Variants in DNMT3A observed in about 807,000 individuals in gnomAD.
The protein encoded by DNMT3A is DNA (cytosine-5)-methyltransferase 3A.
In DNMT3A, 267 loss-of-function variants were observed where a neutral mutation model predicts 117.6. That is an observed-to-expected ratio of 2.27 (90% CI 2.05 to 2.51). DNMT3A has a LOEUF of 2.51. Among genes scored for constraint, DNMT3A ranks in the 30% most tolerant of loss-of-function variants. The pLI, the probability that DNMT3A is intolerant of heterozygous loss-of-function variation, is 0.00. For missense variants in DNMT3A, 1,029 were observed against 1,260.2 expected (o/e 0.82, Z 2.78); for synonymous variants, 432 against 474.8 (o/e 0.91, Z 1.17).
In DNMT3A at chr2:25,269,194, TGCCTGTAATTCCAGCTACTGGGAA is replaced by T. The variant is rs568123227; in HGVS notation, c.639+5723_639+5746del. ...AAAATTAGCTGGGTGTGGTGGTGCG[TGCCTGTAATTCCAGCTACTGGGAA>T]GGCTGAGGCGAGGCACGAGAATCAC... On this transcript the variant is annotated intron_variant, in intron 6 of 22. Coordinates refer to ENST00000321117, the MANE Select transcript of DNMT3A (RefSeq NM_022552.5). Among the ~76,000 whole-genome samples, 7 of 152,276 alleles carry T rather than the reference TGCCTGTAATTCCAGCTACTGGGAA, an allele frequency of 4.6e-5. No individual in the cohort carries two copies. In the East Asian group the frequency reaches 1.4e-3, roughly 29 times the overall value.
rs2149455234 is a variant in DNMT3A at position 25,339,273 on chromosome 2, G to A, written c.-178+2553C>T. On this transcript the variant is annotated intron_variant, in intron 1 of 22. Coordinates refer to ENST00000321117, the MANE Select transcript of DNMT3A (RefSeq NM_022552.5). This position sits in a 1 kb window ranked among gnomAD's most constrained non-coding sequence, Gnocchi z 4.9. ...CTAGTCCAACCCCCACCCCACAGAG[G>A]AATCCTGTCCGCAGACACCCTGACA... Among the ~76,000 whole-genome samples the A allele has an allele frequency of 6.6e-6, 1 of 152,170 alleles. No homozygotes were observed. Among genetic ancestry groups the A allele is most frequent in the South Asian group, 2.1e-4 (1 of 4,820 alleles).
Position 25,274,923 on chromosome 2 carries a change from G to C in DNMT3A, c.639+18C>G. The stretch of plus-strand genomic sequence containing the variant: ...GTTCTGCAGGACGGGCTGGGGCCCA[G>C]GCCAGAAGGCGCCTCACCTCCCTTT... On this transcript the variant is annotated intron_variant, in intron 6 of 22. Transcript: ENST00000321117. The C allele has an allele frequency of 6.2e-7, 1 of 1,601,964 alleles. No individual in the cohort carries two copies. The highest frequency in any genetic ancestry group is 8.5e-7 in the Non-Finnish European group (1 of 1,171,278).
rs1015295548 is a variant in DNMT3A at position 25,235,780 on chromosome 2, G to A, written c.2524C>T (p.Gln842Ter). Reference protein sequence around the residue: ...TITTRSNSIKQGKDQHFPVFM... With the variant: ...TITTRSNSIK ...ACAGGAAAATGCTGGTCTTTGCCCT[G>A]CTTTATGGAGTTTGACCTCGTAGTA... is the stretch of plus-strand genomic sequence containing the variant. Residue 842 changes from glutamine (Q) to a stop codon, truncating the protein, a stop_gained, in exon 22 of 23, where the codon CAG (glutamine) becomes TAG (stop). Coordinates refer to ENST00000321117, the MANE Select transcript of DNMT3A (RefSeq NM_022552.5). LOFTEE classifies it high-confidence loss of function. The A allele has an allele frequency of 1.2e-6, 2 of 1,614,012 alleles. No homozygotes were observed. Among genetic ancestry groups the A allele is most frequent in the African/African-American group, 1.3e-5 (1 of 74,918 alleles).
At position 25,246,260 on chromosome 2, in the gene DNMT3A, A is replaced by C. The variant is rs1674752908; in HGVS notation, c.1329T>G (p.Pro443=). The C allele has an allele frequency of 6.2e-7, 1 of 1,614,058 alleles. No homozygotes were observed. Among genetic ancestry groups the C allele is most frequent in the East Asian group, 2.2e-5 (1 of 44,882 alleles). ...KEVYTDMWVE[P]EAAAYAPPPP... ...GAGGTGGTGCGTAGGCAGCTGCCTC[A>C]GGTTCCACCCACATGTCCGTGTACA... The change falls in exon 11 of 23, where the codon CCT becomes CCG. Residue 443 remains proline, a synonymous_variant. Coordinates refer to ENST00000321117, the MANE Select transcript of DNMT3A (RefSeq NM_022552.5).
Position 25,234,043 on chromosome 2 carries a change from G to C in DNMT3A, c.*236C>G. 2 of 460,204 alleles carry C rather than the reference G, an allele frequency of 4.3e-6. No homozygotes were observed. The highest frequency in any genetic ancestry group is 6.9e-6 in the Non-Finnish European group (2 of 289,374). 28.5% of individuals were successfully genotyped at this position (460,204 alleles called of 1,614,324 possible). A position where few individuals can be genotyped will look rare whatever the true frequency, so the allele number is the denominator to read the frequency against. ...GAGGAAGGGAAGGGAGCTTGGTTTTGTTTTTAAATAGGACTGAAGAATAAC... is the reference window on the plus strand; with the variant it reads ...GAGGAAGGGAAGGGAGCTTGGTTTTCTTTTTAAATAGGACTGAAGAATAAC... On this transcript the variant is annotated 3_prime_UTR_variant, in exon 23 of 23. Coordinates refer to ENST00000321117, the MANE Select transcript of DNMT3A (RefSeq NM_022552.5). This position sits in a 1 kb window ranked among gnomAD's most constrained non-coding sequence, Gnocchi z 4.5.
chr2:25,241,904 T>C, intron 16 of DNMT3A, 197 bp from the exon 17 acceptor site: 1 of 658,564 alleles, frequency 1.5e-6, no homozygotes, highest in South Asian at 2.3e-5. Flanking sequence ...CTCTGTCTCA[T>C]GCCTCGTTTG....
chr2:25,338,292 C>CA (rs1324105758), intron 1 of DNMT3A, among the ~76,000 whole-genome samples: 1 of 152,226 alleles, frequency 6.6e-6, no homozygotes, highest in Non-Finnish European at 1.5e-5. Context: ...TTTCAGACTG[C>CA]AATTCTAAGG....
intron 6 of DNMT3A, among the ~76,000 whole-genome samples, chr2:25,250,804 G>C (rs1675431410): frequency 6.6e-6 from 1 of 152,238 alleles, no homozygotes; most frequent in Admixed American, 6.5e-5. Flanking sequence ...CCAGTACGAG[G>C]TGTGCAGGTA....
Position 25,252,167 on chromosome 2 carries a change from T to C in DNMT3A, c.640-3915A>G. The C allele has an allele frequency of 1.3e-6, 2 of 1,557,446 alleles. No homozygotes were observed. The highest frequency in any genetic ancestry group is 1.7e-4 in the Middle Eastern group (1 of 5,972). On this transcript the variant is annotated intron_variant, in intron 6 of 22. Coordinates refer to ENST00000321117, the MANE Select transcript of DNMT3A (RefSeq NM_022552.5). This position sits in a 1 kb window ranked among gnomAD's most constrained non-coding sequence, Gnocchi z 5.5. The stretch of plus-strand genomic sequence containing the variant: ...CCCTGCCGCCTCCCCGCCCCCGGTC[T>C]CCCCGGGGCTCCGTCCAGGAACCTA...
In DNMT3A at chr2:25,278,035, AC is replaced by A. The variant is rs1194998722; in HGVS notation, c.449-2493del. On this transcript the variant is annotated intron_variant, in intron 4 of 22. Coordinates refer to ENST00000321117, the MANE Select transcript of DNMT3A (RefSeq NM_022552.5). ...CACACACACACACACACACACACAC[AC>A]ACAGACACACACGCTTTCCAGCCTG... 9.0e-4 allele frequency among the ~76,000 whole-genome samples: 76 copies of A among 84,284 alleles called. 2 individuals are homozygous for A. The East Asian group carries it at 0.017, about 19-fold the overall frequency. 55.3% of individuals were successfully genotyped at this position (84,284 alleles called of 152,430 possible).
intron 1 of DNMT3A, among the ~76,000 whole-genome samples, chr2:25,338,731 G>C (rs1417644596): frequency 6.6e-6 from 1 of 152,170 alleles, no homozygotes; most frequent in Non-Finnish European, 1.5e-5. Flanking sequence ...TATAGCATGG[G>C]GCATCTTCCC....
rs191987511 is a variant in DNMT3A at position 25,324,392 on chromosome 2, C to T, written c.-177-10231G>A. On this transcript the variant is annotated intron_variant, in intron 1 of 22. Coordinates refer to ENST00000321117, the MANE Select transcript of DNMT3A (RefSeq NM_022552.5). ...CAGGGCAGGATTATAAATCCAGGTC[C>T]GTGTAACTCAGAACCCTTCGCAAAT... Among the ~76,000 whole-genome samples the T allele has an allele frequency of 8.1e-4, 124 of 152,314 alleles. No homozygotes were observed. The East Asian group carries it at 0.019, about 23-fold the overall frequency.
chr2:25,320,863 G>A (rs1185798335), intron 1 of DNMT3A, among the ~76,000 whole-genome samples: 3 of 152,112 alleles, frequency 2.0e-5, no homozygotes, highest in African/African-American at 7.2e-5. Flanking sequence ...CGGGCGCGGT[G>A]GCTCACACCT....
chr2:25,264,654 G>A (rs915366301), intron 6 of DNMT3A, among the ~76,000 whole-genome samples: 1 of 151,650 alleles, frequency 6.6e-6, no homozygotes, highest in Non-Finnish European at 1.5e-5. Context: ...AGTAGAGAGG[G>A]GGTTTCACCA....
rs117108335 is a variant in DNMT3A at position 25,261,652 on chromosome 2, T to C, written c.639+13289A>G. Among the ~76,000 whole-genome samples the C allele has an allele frequency of 2.5e-4, 38 of 150,616 alleles. No homozygotes were observed. The East Asian group carries it at 6.8e-3, about 27-fold the overall frequency. On this transcript the variant is annotated intron_variant, in intron 6 of 22. Transcript: ENST00000321117. Reference sequence around the variant, plus strand: ...AATAAATAAAATAAATAGAAATGTATATATTGTAAAAGTAAAGGGCTGCAT... The same window carrying C: ...AATAAATAAAATAAATAGAAATGTACATATTGTAAAAGTAAAGGGCTGCAT...
In DNMT3A at chr2:25,247,994, C is replaced by T; in HGVS notation, c.855+43G>A. 6.2e-7 allele frequency: 1 copy of T among 1,610,004 alleles called. No individual in the cohort carries two copies. The highest frequency in any genetic ancestry group is 8.5e-7 in the Non-Finnish European group (1 of 1,179,096). On this transcript the variant is annotated intron_variant, in intron 7 of 22. Coordinates refer to ENST00000321117, the MANE Select transcript of DNMT3A (RefSeq NM_022552.5). The surrounding 1 kb of genome is among the most constrained non-coding windows in gnomAD (Gnocchi z 5.6). ...GACGGGAGGAGCTGGCAGTGGAAGG[C>T]CCCCGGAAAGAGCTGGCCACGGCTG...
intron 1 of DNMT3A, among the ~76,000 whole-genome samples, chr2:25,328,106 C>A (rs2034854171): frequency 6.6e-6 from 1 of 152,186 alleles, no homozygotes; most frequent in Non-Finnish European, 1.5e-5. Flanking sequence ...ACCTATGACA[C>A]CTCATGACAA....
intron 10 of DNMT3A, 80 bp from the exon 11 acceptor site, chr2:25,246,389 G>A (rs983039656): frequency 2.6e-6 from 4 of 1,519,166 alleles, no homozygotes; most frequent in Non-Finnish European, 3.5e-6. Flanking sequence ...TCCTTACAGT[G>A]GGGTGCGGCC....
At position 25,254,209 on chromosome 2, in the gene DNMT3A, C is replaced by T. The variant is rs986183524; in HGVS notation, c.640-5957G>A. On this transcript the variant is annotated intron_variant, in intron 6 of 22. Transcript: ENST00000321117. This position sits in a 1 kb window ranked among gnomAD's most constrained non-coding sequence, Gnocchi z 4.7. ...ACATCAGCCCTCTTTGGCCATGGAACGCCACCATCTCCTAATGACAATGAG... is the reference window on the plus strand; with the variant it reads ...ACATCAGCCCTCTTTGGCCATGGAATGCCACCATCTCCTAATGACAATGAG... 3.9e-5 allele frequency among the ~76,000 whole-genome samples: 6 copies of T among 152,092 alleles called. No homozygotes were observed. The highest frequency in any genetic ancestry group is 7.2e-5 in the African/African-American group (3 of 41,400).
Sources: gnomAD v4.1 joint callset for allele counts (sites outside exome capture counted in the v4.1 genomes callset) on GRCh38, gnomAD v4.1.1 for gene constraint, Gnocchi (gnomAD v3.1) non-coding constraint, MANE v1.5 for transcripts, NCBI Gene and HGNC (gene_info 2026-07-23, HGNC 2026-07-21) for gene names.